CPEB3: variants seen among roughly 807,000 people sequenced by gnomAD.
CPEB3 encodes cytoplasmic polyadenylation element binding protein 3.
Under a neutral mutation model 67.2 loss-of-function variants are expected in CPEB3, and 20 were observed. The observed-to-expected ratio is 0.30, with a 90% CI of 0.21 to 0.43. The LOEUF is 0.43. CPEB3 is among the 20% of genes least tolerant of loss of function. The pLI, the probability that CPEB3 is intolerant of heterozygous loss-of-function variation, is 1.00. For synonymous variants in CPEB3, 376 were observed against 393.1 expected (o/e 0.96, Z 0.51); for missense variants, 746 against 968.6 (o/e 0.77, Z 3.05).
chr10:92,225,535 A>C (rs569871283), intron 2 of CPEB3, among the ~76,000 whole-genome samples: 1 of 152,152 alleles, frequency 6.6e-6, no homozygotes, highest in Admixed American at 6.5e-5. Context: ...AAAAACAACA[A>C]AACAATCTAT....
chr10:92,090,602 T>C (rs1843573681), intron 8 of CPEB3, among the ~76,000 whole-genome samples: 1 of 152,210 alleles, frequency 6.6e-6, no homozygotes, highest in Admixed American at 6.6e-5. Flanking sequence ...AAGGAATAGC[T>C]AGAATACTAG....
At chr10:92,195,870 G>T (rs1380914770) in intron 2 of CPEB3, among the ~76,000 whole-genome samples, 1 of 152,128 alleles carries the variant, frequency 6.6e-6, no homozygotes, top group Non-Finnish European at 1.5e-5. Flanking sequence ...TCTGGCCAAA[G>T]AAATTATTTA....
chr10:92,131,949 G>A (rs547933124), intron 6 of CPEB3, among the ~76,000 whole-genome samples: 1 of 152,178 alleles, frequency 6.6e-6, no homozygotes, highest in African/African-American at 2.4e-5. Context: ...AATTTTTCCA[G>A]TATCTGTATT....
intron 9 of CPEB3, among the ~76,000 whole-genome samples, chr10:92,075,027 T>C (rs561887615): frequency 1.3e-5 from 2 of 152,176 alleles, no homozygotes; most frequent in Non-Finnish European, 2.9e-5. Flanking sequence ...TTCAGACTCC[T>C]GAGCAAAAGT....
chr10:92,208,901 T>G (rs1849928969), intron 2 of CPEB3, among the ~76,000 whole-genome samples: 1 of 152,108 alleles, frequency 6.6e-6, no homozygotes, highest in Non-Finnish European at 1.5e-5. Flanking sequence ...CCTGAGAGCT[T>G]TTTTTGACTC....
At chr10:92,136,704 G>A (rs909312909) in intron 6 of CPEB3, among the ~76,000 whole-genome samples, 1 of 152,156 alleles carries the variant, frequency 6.6e-6, no homozygotes, top group Non-Finnish European at 1.5e-5. Flanking sequence ...GGGATTACAG[G>A]CATGGGCTAC....
chr10:92,193,945 C>A (rs538690556), intron 2 of CPEB3, among the ~76,000 whole-genome samples: 2 of 149,612 alleles, frequency 1.3e-5, no homozygotes, highest in South Asian at 4.3e-4. Flanking sequence ...TACAGGCACC[C>A]GCCACCATGC....
chr10:92,243,993 A>T (rs1029870562), intron 1 of CPEB3, among the ~76,000 whole-genome samples: 3 of 152,206 alleles, frequency 2.0e-5, no homozygotes, highest in African/African-American at 7.2e-5. Flanking sequence ...CATACAAAGG[A>T]TTACTCAAAT....
intron 9 of CPEB3, among the ~76,000 whole-genome samples, chr10:92,063,600 C>T (rs1207778562): frequency 2.0e-5 from 3 of 152,076 alleles, no homozygotes; most frequent in African/African-American, 7.2e-5. Context: ...CCCGTCTCTA[C>T]TAAAAATACA....
At chr10:92,271,775 T>G (rs895326920) in intron 1 of CPEB3, among the ~76,000 whole-genome samples, 2 of 152,178 alleles carry the variant, frequency 1.3e-5, no homozygotes, top group Non-Finnish European at 2.9e-5. Flanking sequence ...TAAATATCTT[T>G]AGGGAGACAC....
At chr10:92,245,611 A>T (rs2134735393) in intron 1 of CPEB3, among the ~76,000 whole-genome samples, 1 of 152,312 alleles carries the variant, frequency 6.6e-6, no homozygotes, top group African/African-American at 2.4e-5. Flanking sequence ...TCCTAAAGAA[A>T]GCTCCACTTT....
intron 4 of CPEB3, among the ~76,000 whole-genome samples, chr10:92,146,224 A>G (rs1447117208): frequency 2.0e-5 from 3 of 152,208 alleles, no homozygotes; most frequent in Admixed American, 6.5e-5. Context: ...CAGCAGTTAG[A>G]GTCAGCAGTA....
chr10:92,157,500 T>A (rs1304310611), intron 4 of CPEB3, among the ~76,000 whole-genome samples: 1 of 152,206 alleles, frequency 6.6e-6, no homozygotes, highest in Non-Finnish European at 1.5e-5. Context: ...TTATGGGGAC[T>A]AAAGCCTATT....
intron 3 of CPEB3, among the ~76,000 whole-genome samples, chr10:92,191,746 G>A (rs1354291619): frequency 2.0e-5 from 3 of 152,110 alleles, no homozygotes; most frequent in Non-Finnish European, 4.4e-5. Flanking sequence ...TATTTCCATA[G>A]GTAATTTGCA....
chr10:92,076,880 AAAGGAAGGAAGAGG>A (rs1288727329), intron 9 of CPEB3, among the ~76,000 whole-genome samples: 1 of 151,672 alleles, frequency 6.6e-6, no homozygotes, highest in Non-Finnish European at 1.5e-5. Context: ...GGGGGAAGGG[AAAGGAAGGAAGAGG>A]AAGGAAGGAA....
chr10:92,142,545 CCT>C, intron 6 of CPEB3, among the ~76,000 whole-genome samples: 1 of 152,242 alleles, frequency 6.6e-6, no homozygotes, highest in Middle Eastern at 3.4e-3. Context: ...GCTAGTTTGC[CCT>C]CTGCTCCCAA....
chr10:92,110,260 G>T (rs1844668061), intron 7 of CPEB3, among the ~76,000 whole-genome samples: 1 of 152,172 alleles, frequency 6.6e-6, no homozygotes, highest in Admixed American at 6.5e-5. Flanking sequence ...GGTATATACA[G>T]CTCTGGTCTC....
At chr10:92,142,900 C>A in intron 6 of CPEB3, 129 bp downstream of exon 6, 1 of 594,506 alleles carries the variant, frequency 1.7e-6, no homozygotes, top group Non-Finnish European at 3.0e-6. Flanking sequence ...GGATGATCAA[C>A]ATTAAAATGT....
chr10:92,179,133 C>T (rs1848355460), intron 4 of CPEB3, among the ~76,000 whole-genome samples: 1 of 152,124 alleles, frequency 6.6e-6, no homozygotes, highest in Non-Finnish European at 1.5e-5. Flanking sequence ...ACAGTATCTT[C>T]ATGCTGAAAA....
Sources: allele counts gnomAD v4.1 joint callset (sites outside exome capture counted in the v4.1 genomes callset), GRCh38; gene constraint gnomAD v4.1.1; transcripts MANE v1.5; gene names NCBI Gene and HGNC (gene_info 2026-07-23, HGNC 2026-07-21).